The following UGT1A3 variants were observed in gnomAD, a reference collection of about 807,000 sequenced individuals.
UGT1A3 encodes the protein UDP glucuronosyltransferase family 1 member A3.
UGT1A3 carries 31 observed loss-of-function variants against 41.0 expected under a neutral mutation model. That is an observed-to-expected ratio of 0.76 (90% CI 0.57 to 1.02). The LOEUF (loss-of-function observed/expected upper bound fraction) is 1.02. Ranked by LOEUF, UGT1A3 falls within the 50% of genes least tolerant of loss-of-function variation. The pLI is 0.00. For synonymous variants in UGT1A3, 262 were observed against 257.6 expected (o/e 1.02, Z -0.17); for missense variants, 737 against 671.0 (o/e 1.10, Z -1.09).
rs1296616460 is a variant in UGT1A3 at position 233,754,185 on chromosome 2, C to G, written c.868-12849C>G. Reference sequence around the variant, plus strand: ...ATTAATATATTCATAGATTTCACCACCACACAGTAAAACATTGAAGTCAAA... The same window carrying G: ...ATTAATATATTCATAGATTTCACCAGCACACAGTAAAACATTGAAGTCAAA... On this transcript the variant is annotated intron_variant, in intron 1 of 4. Transcript: ENST00000482026. 3.1e-5 allele frequency: 5 copies of G among 159,682 alleles called. No individual in the cohort carries two copies. The East Asian group carries it at 9.1e-4, about 29-fold the overall frequency. 9.9% of individuals were successfully genotyped at this position (159,682 alleles called of 1,614,324 possible). A position where few individuals can be genotyped will look rare whatever the true frequency, so the allele number is the denominator to read the frequency against.
intron 1 of UGT1A3, among the ~76,000 whole-genome samples, chr2:233,757,562 G>GTATATATATATATATATATATACATA (rs1491042837): frequency 1.1e-5 from 1 of 90,870 alleles, no homozygotes; most frequent in Non-Finnish European, 2.1e-5. Flanking sequence ...ATATATATAT[G>GTATATATATATATATATATATACATA]TATATATGAT....
At chr2:233,747,966 G>C in intron 1 of UGT1A3, 17 of 1,613,448 alleles carry the variant, frequency 1.1e-5, no homozygotes, top group Non-Finnish European at 1.4e-5. Context: ...TCTCAGCCAT[G>C]CATCTGTGTG....
chr2:233,751,502 G>T (rs1015716404), intron 1 of UGT1A3, among the ~76,000 whole-genome samples: 2 of 152,208 alleles, frequency 1.3e-5, no homozygotes, highest in South Asian at 2.1e-4. Context: ...AGATTTGGGA[G>T]GGGCCAGAGG....
intron 1 of UGT1A3, among the ~76,000 whole-genome samples, chr2:233,744,197 G>A (rs540976533): frequency 1.3e-5 from 2 of 151,982 alleles, no homozygotes; most frequent in East Asian, 1.9e-4. Flanking sequence ...TCTCCAAAAA[G>A]GATGGGAAAA....
chr2:233,734,579 T>C (rs1163010771), intron 1 of UGT1A3, among the ~76,000 whole-genome samples: 20 of 152,230 alleles, frequency 1.3e-4, no homozygotes, highest in Non-Finnish European at 2.9e-5. Context: ...TTGCTCTTGC[T>C]TATCTAGTTC....
chr2:233,730,157 C>T (rs1042969682), intron 1 of UGT1A3, among the ~76,000 whole-genome samples, 164 bp downstream of exon 1: 1 of 152,168 alleles, frequency 6.6e-6, no homozygotes, highest in Non-Finnish European at 1.5e-5. Context: ...TAAGGGGTCT[C>T]TAGTAGCGTA....
At position 233,767,890 on chromosome 2, in the gene UGT1A3, G is replaced by C; in HGVS notation, c.1041G>C (p.Ala347=). The C allele has an allele frequency of 6.2e-7, 1 of 1,614,096 alleles. No individual in the cohort carries two copies. The highest frequency in any genetic ancestry group is 8.5e-7 in the Non-Finnish European group (1 of 1,180,038). Residue 347 remains alanine (A), a synonymous_variant, in exon 3 of 5, where the codon GCG becomes GCC. Coordinates refer to ENST00000482026, the MANE Select transcript of UGT1A3 (RefSeq NM_019093.4). The part of the protein sequence containing the change: ...RYTGTRPSNL[A]NNTILVKWLP... ...CTGGAACCCGACCATCGAATCTTGCGAACAACACGATACTTGTTAAGTGGC... is the reference window on the plus strand; with the variant it reads ...CTGGAACCCGACCATCGAATCTTGCCAACAACACGATACTTGTTAAGTGGC...
In UGT1A3 at chr2:233,743,838, C is replaced by A. The variant is rs749381543; in HGVS notation, c.867+13845C>A. 7.3e-6 allele frequency: 10 copies of A among 1,367,292 alleles called. No individual in the cohort carries two copies. In the South Asian group the frequency reaches 1.1e-4, roughly 16 times the overall value. 84.7% of individuals were successfully genotyped at this position (1,367,292 alleles called of 1,614,324 possible). On this transcript the variant is annotated intron_variant, in intron 1 of 4. Coordinates refer to ENST00000482026, the MANE Select transcript of UGT1A3 (RefSeq NM_019093.4). The stretch of plus-strand genomic sequence containing the variant: ...TTTTTGTCGGGGTGCCACTTGAGCG[C>A]CAGCTTGCGGTACGCCTTCTTGATG...
chr2:233,770,422 G>A (rs995965680), intron 4 of UGT1A3: 1 of 152,196 alleles, frequency 6.6e-6, no homozygotes, highest in Non-Finnish European at 1.5e-5. Flanking sequence ...GGGAGGCCGA[G>A]GCAGGTGGAT....
At position 233,729,231 on chromosome 2, in the gene UGT1A3, C is replaced by T. The variant is rs777258735; in HGVS notation, c.105C>T (p.Pro35=). The T allele has an allele frequency of 6.2e-7, 1 of 1,614,178 alleles. No homozygotes were observed. The highest frequency in any genetic ancestry group is 2.2e-5 in the East Asian group (1 of 44,888). ...AGAGTGGAAAGGTGTTGGTGGTGCC[C>T]ATTGATGGCAGCCACTGGCTCAGCA... The part of the protein sequence containing the change: ...WAESGKVLVV[P]IDGSHWLSMR... The change falls in exon 1 of 5, where the codon CCC becomes CCT. Residue 35 remains proline, a synonymous_variant. Coordinates refer to ENST00000482026, the MANE Select transcript of UGT1A3 (RefSeq NM_019093.4).
At chr2:233,744,357 G>A (rs1350694311) in intron 1 of UGT1A3, among the ~76,000 whole-genome samples, 2 of 151,858 alleles carry the variant, frequency 1.3e-5, no homozygotes, top group South Asian at 2.1e-4. Context: ...AAGACATCCT[G>A]TTGTTTAGGA....
intron 1 of UGT1A3, among the ~76,000 whole-genome samples, chr2:233,764,312 GA>G (rs1174079806): frequency 1.3e-5 from 2 of 152,150 alleles, no homozygotes; most frequent in East Asian, 3.8e-4. Flanking sequence ...AAGTTTAAGG[GA>G]AGCTTTGCCA....
intron 1 of UGT1A3, among the ~76,000 whole-genome samples, chr2:233,764,153 T>C (rs1331955474): frequency 6.6e-6 from 1 of 152,218 alleles, no homozygotes; most frequent in Non-Finnish European, 1.5e-5. Context: ...TTTTGGCTGG[T>C]GAAGTCTCAT....
chr2:233,769,853 G>T lies in UGT1A3; in HGVS notation c.1307+1414G>T. On this transcript the variant is annotated intron_variant, in intron 4 of 4. Transcript: ENST00000482026. This position sits in a 1 kb window ranked among gnomAD's most constrained non-coding sequence, Gnocchi z 4.4. ...AACCTGGGCAACAGAGTGAGACCCT[G>T]TCTCAAAAAAAAAAAAAAAAATGAA... The T allele has an allele frequency of 4.6e-5, 18 of 388,562 alleles. No individual in the cohort carries two copies. The highest frequency in any genetic ancestry group is 9.6e-5 in the East Asian group (2 of 20,776). 24.1% of individuals were successfully genotyped at this position (388,562 alleles called of 1,614,324 possible).
intron 1 of UGT1A3, among the ~76,000 whole-genome samples, chr2:233,749,208 CA>C (rs1559394087): frequency 6.6e-6 from 1 of 151,746 alleles, no homozygotes; most frequent in Non-Finnish European, 1.5e-5. Flanking sequence ...GTATTATTGC[CA>C]AACACTCTAA....
In UGT1A3 at chr2:233,729,390, A is replaced by T. The variant is rs1190796582; in HGVS notation, c.264A>T (p.Glu88Asp). 6.2e-7 allele frequency: 1 copy of T among 1,613,904 alleles called. No homozygotes were observed. Among genetic ancestry groups the T allele is most frequent in the East Asian group, 2.2e-5 (1 of 44,876 alleles). Residue 88 changes from glutamate to aspartate, a missense_variant, in exon 1 of 5, where the codon GAA becomes GAT. Transcript: ENST00000482026. ...ATGCCATTTCGTGGACCCAGGATGA[A>T]TTTGATCGCCATGTGCTGGGCCACA... ...TTYAISWTQD[E>D]FDRHVLGHTQ...
chr2:233,759,533 T>A (rs1026147769), intron 1 of UGT1A3, among the ~76,000 whole-genome samples: 11 of 151,998 alleles, frequency 7.2e-5, no homozygotes, highest in African/African-American at 2.7e-4. Context: ...AAGACTTCTG[T>A]TCACATGCGC....
intron 1 of UGT1A3, among the ~76,000 whole-genome samples, chr2:233,748,621 T>C (rs1261589705): frequency 1.3e-5 from 2 of 151,698 alleles, no homozygotes; most frequent in African/African-American, 4.9e-5. Context: ...ACGTGGGATA[T>C]ATGTCTGTGA....
At chr2:233,733,970 C>T (rs1298818177) in intron 1 of UGT1A3, among the ~76,000 whole-genome samples, 52 of 151,482 alleles carry the variant, frequency 3.4e-4, no homozygotes, top group East Asian at 9.7e-4. Flanking sequence ...GTAGGGGGAG[C>T]GGGGAGGGAT....
Sources: allele counts gnomAD v4.1 joint callset (sites outside exome capture counted in the v4.1 genomes callset), GRCh38; gene constraint gnomAD v4.1.1; non-coding constraint Gnocchi (gnomAD v3.1); transcripts MANE v1.5; gene names NCBI Gene and HGNC (gene_info 2026-07-23, HGNC 2026-07-21).